Variants in IARS1 observed in about 807,000 individuals in gnomAD.
IARS1 encodes isoleucine--tRNA ligase, cytoplasmic.
Under a neutral mutation model 168.2 loss-of-function variants are expected in IARS1, and 124 were observed. The ratio of observed to expected loss-of-function variants is 0.74; its 90% confidence interval spans 0.64 to 0.86. IARS1 has a LOEUF of 0.86. Among genes scored for constraint, IARS1 ranks in the 40% least tolerant of loss-of-function variants. The pLI is 0.00. For missense variants in IARS1, 1,452 were observed against 1,515.8 expected (o/e 0.96, Z 0.70); for synonymous variants, 532 against 529.4 (o/e 1.00, Z -0.07).
chr9:92,274,591 T>C (rs1450187789), intron 9 of IARS1, 70 bp from the exon 10 acceptor site: 3 of 1,094,044 alleles, frequency 2.7e-6, no homozygotes, highest in Non-Finnish European at 4.1e-6. Context: ...TTGTAACAGT[T>C]TTTCCTAAGA....
chr9:92,252,138 C>T (rs1015487690), intron 21 of IARS1, among the ~76,000 whole-genome samples: 7 of 152,152 alleles, frequency 4.6e-5, no homozygotes, highest in Non-Finnish European at 1.0e-4. Context: ...CCACCTGAGG[C>T]GAGCTGACAG....
chr9:92,276,319 G>A (rs1203141956), intron 9 of IARS1, among the ~76,000 whole-genome samples: 1 of 152,204 alleles, frequency 6.6e-6, no homozygotes, highest in Non-Finnish European at 1.5e-5. Flanking sequence ...AAGCAGGAAA[G>A]GGAAGAGCCA....
At chr9:92,239,405 T>C (rs955060615) in intron 30 of IARS1, among the ~76,000 whole-genome samples, 3 of 152,196 alleles carry the variant, frequency 2.0e-5, no homozygotes, top group African/African-American at 4.8e-5. Context: ...TGATGAAAAA[T>C]CCAATATCAT....
At chr9:92,253,525 C>T in intron 20 of IARS1, 72 bp from the exon 21 acceptor site, 1 of 954,706 alleles carries the variant, frequency 1.0e-6, no homozygotes, top group Non-Finnish European at 1.7e-6. Context: ...GGGTTGGATA[C>T]AACAAAGAAG....
intron 6 of IARS1, 44 bp downstream of exon 6, chr9:92,285,678 C>A (rs777656186): frequency 2.4e-6 from 3 of 1,228,546 alleles, no homozygotes; most frequent in Admixed American, 3.4e-5. Flanking sequence ...TCAGCTTCCA[C>A]CTACAAAACT....
chr9:92,256,883 C>CAA, intron 19 of IARS1, 83 bp from the exon 20 acceptor site: 4 of 1,311,380 alleles, frequency 3.1e-6, no homozygotes, highest in Non-Finnish European at 3.1e-6. Flanking sequence ...ATCACTTAAA[C>CAA]AAAAACAAAA....
At chr9:92,291,343 TCAAA>T (rs1273167763) in intron 1 of IARS1, among the ~76,000 whole-genome samples, 1 of 152,068 alleles carries the variant, frequency 6.6e-6, no homozygotes, top group Non-Finnish European at 1.5e-5. Flanking sequence ...CCTACATACC[TCAAA>T]CAGTTTTGAA....
chr9:92,232,202 A>C (rs1030271031), intron 30 of IARS1, among the ~76,000 whole-genome samples: 2 of 152,242 alleles, frequency 1.3e-5, no homozygotes, highest in Admixed American at 6.5e-5. Context: ...CTACTCAAAA[A>C]TAGCTCCCCA....
chr9:92,258,908 G>A lies in IARS1; in HGVS notation c.1962C>T (p.Leu654=), dbSNP rs1189900286. 1.2e-6 allele frequency: 2 copies of A among 1,613,924 alleles called. No individual in the cohort carries two copies. The highest frequency in any genetic ancestry group is 1.7e-5 in the Admixed American group (1 of 59,948). ...GVRDVLKDVL[L]PWYNAYRFLI... is the part of the protein sequence containing the mutation. Reference sequence around the variant, plus strand: ...AGAAGCGATAGGCATTGTACCATGGGAGCAGTACATCCTTAAGGACGTCCC... The same window carrying A: ...AGAAGCGATAGGCATTGTACCATGGAAGCAGTACATCCTTAAGGACGTCCC... The change falls in exon 19 of 34, where the codon CTC becomes CTT. Residue 654 remains leucine (L), a synonymous_variant. Coordinates refer to ENST00000443024, the MANE Select transcript of IARS1 (RefSeq NM_002161.6).
chr9:92,288,805 A>T (rs1444125789), intron 2 of IARS1, among the ~76,000 whole-genome samples: 1 of 152,142 alleles, frequency 6.6e-6, no homozygotes, highest in African/African-American at 2.4e-5. Context: ...TTTTAAAGAA[A>T]CAAAATTTAC....
At chr9:92,236,538 T>C (rs180816885) in intron 30 of IARS1, among the ~76,000 whole-genome samples, 1 of 152,330 alleles carries the variant, frequency 6.6e-6, no homozygotes, top group Admixed American at 6.5e-5. Flanking sequence ...TAGTAGTTTG[T>C]GTTTTTTAGA....
At position 92,288,978 on chromosome 9, in the gene IARS1, G is replaced by A. The variant is rs142146914; in HGVS notation, c.119+323C>T. On this transcript the variant is annotated intron_variant, in intron 2 of 33. Coordinates refer to ENST00000443024, the MANE Select transcript of IARS1 (RefSeq NM_002161.6). Reference sequence around the variant, plus strand: ...AATCCCAGCACTTTGAGAGGCCGAGGTGGGTGGATCACTTGAGGTCAGGAG... The same window carrying A: ...AATCCCAGCACTTTGAGAGGCCGAGATGGGTGGATCACTTGAGGTCAGGAG... Among the ~76,000 whole-genome samples the A allele has an allele frequency of 2.1e-3, 326 of 152,170 alleles. 1 individual carries two copies. Among genetic ancestry groups the A allele is most frequent in the African/African-American group, 7.5e-3 (311 of 41,512 alleles).
intron 33 of IARS1, 54 bp from the exon 34 acceptor site, chr9:92,210,943 G>C (rs1225757206): frequency 8.6e-7 from 1 of 1,161,874 alleles, no homozygotes; most frequent in Non-Finnish European, 1.3e-6. Flanking sequence ...TATTGGGGGT[G>C]AATATTTAAA....
intron 10 of IARS1, 44 bp downstream of exon 10, chr9:92,274,382 C>T (rs764333589): frequency 2.8e-6 from 4 of 1,454,246 alleles, no homozygotes; most frequent in Admixed American, 1.7e-5. Flanking sequence ...TGAAAAGTGG[C>T]TACCGACATA....
At chr9:92,250,877 TC>T in intron 22 of IARS1, 43 bp from the exon 23 acceptor site, 1 of 1,559,400 alleles carries the variant, frequency 6.4e-7, no homozygotes. Flanking sequence ...TATGCAGTCA[TC>T]AACAACTGAT....
intron 26 of IARS1, among the ~76,000 whole-genome samples, chr9:92,247,082 T>A (rs1223702060): frequency 6.6e-6 from 1 of 151,972 alleles, no homozygotes; most frequent in Non-Finnish European, 1.5e-5. Flanking sequence ...TAATCCCAGC[T>A]ACTTGGGAGG....
intron 19 of IARS1, among the ~76,000 whole-genome samples, chr9:92,258,613 G>A (rs760999967): frequency 2.0e-5 from 3 of 152,030 alleles, no homozygotes; most frequent in African/African-American, 4.8e-5. Context: ...AACAACTGGC[G>A]ACTAAACAAC....
At chr9:92,231,506 C>T (rs1044988322) in intron 30 of IARS1, among the ~76,000 whole-genome samples, 2 of 151,150 alleles carry the variant, frequency 1.3e-5, no homozygotes, top group African/African-American at 2.4e-5. Flanking sequence ...CTCCACTTCC[C>T]GGGTTCAAGT....
At chr9:92,257,525 G>A (rs1474204684) in intron 19 of IARS1, among the ~76,000 whole-genome samples, 2 of 152,226 alleles carry the variant, frequency 1.3e-5, no homozygotes, top group Non-Finnish European at 2.9e-5. Flanking sequence ...CTACTTGGCA[G>A]AGAACCACAT....
Sources: gnomAD v4.1 joint callset for allele counts (sites outside exome capture counted in the v4.1 genomes callset) on GRCh38, gnomAD v4.1.1 for gene constraint, MANE v1.5 for transcripts, NCBI Gene and HGNC (gene_info 2026-07-23, HGNC 2026-07-21) for gene names.